TPO: variants seen among roughly 807,000 people sequenced by gnomAD.
TPO encodes the protein thyroid peroxidase.
TPO carries 78 observed loss-of-function variants against 96.9 expected under a neutral mutation model. That is an observed-to-expected ratio of 0.81 (90% CI 0.67 to 0.97). The LOEUF is 0.97. Among genes scored for constraint, TPO ranks in the 50% least tolerant of loss-of-function variants. The pLI is 0.00. For missense variants in TPO, 1,252 were observed against 1,274.8 expected, an observed-to-expected ratio of 0.98 and a Z score of 0.27; for synonymous variants, 547 against 538.0, an observed-to-expected ratio of 1.02 and a Z score of -0.23.
intron 3 of TPO, among the ~76,000 whole-genome samples, chr2:1,425,324 A>G (rs564669668): frequency 1.6e-3 from 237 of 152,278 alleles, no homozygotes; most frequent in South Asian, 3.9e-3. Flanking sequence ...AGATCATTTC[A>G]TATTCTCAGA....
At chr2:1,374,880 C>G (rs1278898390) in intron 1 of TPO, among the ~76,000 whole-genome samples, 1 of 151,620 alleles carries the variant, frequency 6.6e-6, no homozygotes, top group Non-Finnish European at 1.5e-5. Flanking sequence ...GCACCCGCCA[C>G]CACGCCCAGC....
intron 10 of TPO, among the ~76,000 whole-genome samples, chr2:1,492,932 G>C (rs1671913902): frequency 6.6e-6 from 1 of 152,174 alleles, no homozygotes; most frequent in Non-Finnish European, 1.5e-5. Context: ...GGAGGTGACA[G>C]CTGAACCAAG....
Position 1,456,060 on chromosome 2 carries a change from G to C in TPO, c.613-16G>C, listed in dbSNP as rs1667754025. ...GGGTCCTCCTATGTCCTGACCAATG[G>C]TCTCTTCCTACCCAGGTCCGGGAGG... On this transcript the variant is annotated splice_polypyrimidine_tract_variant and intron_variant, in intron 6 of 16. Coordinates refer to ENST00000329066, the MANE Select transcript of TPO (RefSeq NM_001206744.2). 1.2e-6 allele frequency: 2 copies of C among 1,612,186 alleles called. No individual in the cohort carries two copies. The highest frequency in any genetic ancestry group is 1.7e-5 in the Admixed American group (1 of 59,856).
chr2:1,505,140 G>A (rs879507370), intron 14 of TPO, among the ~76,000 whole-genome samples: 7 of 152,186 alleles, frequency 4.6e-5, no homozygotes, highest in Admixed American at 6.5e-5. Context: ...TGGCCAGGAC[G>A]CGGCTGCCCG....
At chr2:1,423,363 G>A (rs950659917) in intron 3 of TPO, among the ~76,000 whole-genome samples, 4 of 152,154 alleles carry the variant, frequency 2.6e-5, no homozygotes, top group South Asian at 2.1e-4. Context: ...TAGCAATTAC[G>A]TATACCCTGG....
intron 7 of TPO, among the ~76,000 whole-genome samples, chr2:1,471,851 T>C (rs775117379): frequency 6.6e-6 from 1 of 152,184 alleles, no homozygotes; most frequent in Non-Finnish European, 1.5e-5. Context: ...ATCTCAGCAC[T>C]CATGGCATGC....
intron 1 of TPO, among the ~76,000 whole-genome samples, chr2:1,392,455 C>T (rs1185172037): frequency 2.6e-5 from 4 of 152,106 alleles, no homozygotes; most frequent in Non-Finnish European, 5.9e-5. Flanking sequence ...GGATATTGGT[C>T]TAAAATTCAC....
chr2:1,392,171 A>G (rs1420202995), intron 1 of TPO, among the ~76,000 whole-genome samples: 2 of 152,214 alleles, frequency 1.3e-5, no homozygotes, highest in Non-Finnish European at 2.9e-5. Flanking sequence ...ATTTTGAGAT[A>G]CATTCCATCA....
chr2:1,485,433 G>T (rs150240584), intron 9 of TPO, among the ~76,000 whole-genome samples: 1 of 152,110 alleles, frequency 6.6e-6, no homozygotes, highest in Non-Finnish European at 1.5e-5. Flanking sequence ...TAATTGGATC[G>T]CTGGGTCAAA....
chr2:1,525,419 C>CA (rs1676211995), intron 15 of TPO, among the ~76,000 whole-genome samples: 1 of 123,972 alleles, frequency 8.1e-6, no homozygotes, highest in Non-Finnish European at 1.7e-5. Context: ...CAAATCCCCC[C>CA]ACTGTGTGCA....
intron 1 of TPO, among the ~76,000 whole-genome samples, chr2:1,383,926 T>G (rs992056060): frequency 2.0e-5 from 3 of 152,230 alleles, no homozygotes; most frequent in Non-Finnish European, 2.9e-5. Context: ...AGTTTCAGCT[T>G]TCTACATATG....
rs967285125 is a variant in TPO, at chr2:1,398,145, C to T, written n.180+23743C>T. 7.2e-5 allele frequency among the ~76,000 whole-genome samples: 11 copies of T among 152,314 alleles called. No individual in the cohort carries two copies. In the East Asian group the frequency reaches 9.7e-4, roughly 13 times the overall value. On this transcript the variant is annotated intron_variant and non_coding_transcript_variant, in intron 1 of 5. Coordinates refer to the TPO transcript ENST00000497517. ...TTCCTCCCTCACTCAGGGATGACTC[C>T]GGTGAGGGACAGGACTGTGGCCAGG...
chr2:1,490,440 ACGACACAGCAG>A (rs1671665453), intron 10 of TPO, among the ~76,000 whole-genome samples: 1 of 139,806 alleles, frequency 7.2e-6, no homozygotes, highest in South Asian at 2.6e-4. Flanking sequence ...AGGGGGAGTC[ACGACACAGCAG>A]TGTAAGAGCC....
intron 16 of TPO, chr2:1,541,078 G>C: frequency 8.1e-7 from 1 of 1,227,796 alleles, no homozygotes; most frequent in Non-Finnish European, 1.0e-6. Context: ...TTTTTAAGTG[G>C]AATAGTTATA....
At chr2:1,523,074 G>A (rs1423879773) in intron 15 of TPO, among the ~76,000 whole-genome samples, 5 of 59,634 alleles carry the variant, frequency 8.4e-5, no homozygotes, top group Non-Finnish European at 1.6e-4. Flanking sequence ...ACCAAATCCC[G>A]ACACTGTGTG....
At chr2:1,422,337 C>CCTGGACCGACCTCGTGCAGGCGCCGCG (rs1336244835) in intron 2 of TPO, among the ~76,000 whole-genome samples, 1,798 of 82,952 alleles carry the variant, frequency 0.022, 48 homozygotes, top group African/African-American at 0.031. Flanking sequence ...AGGCGCCTCT[C>CCTGGACCGACCTCGTGCAGGCGCCGCG]CTGGACCGAC....
At chr2:1,512,860 T>G (rs1251346091) in intron 14 of TPO, among the ~76,000 whole-genome samples, 1 of 151,950 alleles carries the variant, frequency 6.6e-6, no homozygotes, top group Non-Finnish European at 1.5e-5. Context: ...CTTCAGTGCT[T>G]CCCCCACCAC....
intron 7 of TPO, among the ~76,000 whole-genome samples, chr2:1,463,610 C>A (rs547451270): frequency 6.6e-6 from 1 of 152,210 alleles, no homozygotes; most frequent in African/African-American, 2.4e-5. Flanking sequence ...GAGTCTCTGA[C>A]TACTGATCAC....
chr2:1,512,072 C>T (rs1402183923), intron 14 of TPO, among the ~76,000 whole-genome samples: 18 of 151,378 alleles, frequency 1.2e-4, no homozygotes, highest in Non-Finnish European at 5.9e-5. Flanking sequence ...CTCGCTCTGT[C>T]GCCTAGACTG....
Sources: gnomAD v4.1 joint callset for allele counts (sites outside exome capture counted in the v4.1 genomes callset) on GRCh38, gnomAD v4.1.1 for gene constraint, MANE v1.5 for transcripts, NCBI Gene and HGNC (gene_info 2026-07-23, HGNC 2026-07-21) for gene names.